CCSER1: variants seen among roughly 807,000 people sequenced by gnomAD.
The protein encoded by CCSER1 is serine-rich coiled-coil domain-containing protein 1.
A neutral mutation model predicts 82.0 loss-of-function variants in CCSER1; 41 were observed. That is an observed-to-expected ratio of 0.50 (90% CI 0.39 to 0.65). CCSER1 has a LOEUF of 0.65. Among genes scored for constraint, CCSER1 ranks in the 30% least tolerant of loss-of-function variants. The pLI is 0.00. For missense variants in CCSER1, 1,119 were observed against 1,064.2 expected (o/e 1.05, Z -0.72); for synonymous variants, 414 against 383.9 (o/e 1.08, Z -0.92).
At chr4:90,490,834 A>G (rs1767891899) in intron 5 of CCSER1, among the ~76,000 whole-genome samples, 1 of 152,012 alleles carries the variant, frequency 6.6e-6, no homozygotes, top group Non-Finnish European at 1.5e-5. Context: ...ATGGTTGCAG[A>G]TGTGTGGTAT....
At chr4:90,219,791 G>A (rs1281261242) in intron 1 of CCSER1, among the ~76,000 whole-genome samples, 3 of 152,116 alleles carry the variant, frequency 2.0e-5, no homozygotes, top group Non-Finnish European at 4.4e-5. Flanking sequence ...TACCTTGTAA[G>A]TATCCCATGC....
At chr4:90,942,864 TATTTA>T (rs1019561125) in intron 9 of CCSER1, among the ~76,000 whole-genome samples, 5 of 148,180 alleles carry the variant, frequency 3.4e-5, no homozygotes, top group African/African-American at 1.2e-4. Flanking sequence ...AAATTATATA[TATTTA>T]ATTAAATATG....
chr4:90,809,903 A>G (rs1046158682), intron 7 of CCSER1, among the ~76,000 whole-genome samples: 2 of 151,672 alleles, frequency 1.3e-5, no homozygotes, highest in Non-Finnish European at 2.9e-5. Context: ...AAATAAATGA[A>G]TAAGAACTAT....
intron 10 of CCSER1, among the ~76,000 whole-genome samples, chr4:91,583,674 T>C (rs1333896256): frequency 1.3e-5 from 2 of 151,472 alleles, no homozygotes; most frequent in Non-Finnish European, 1.5e-5. Flanking sequence ...ATGTCTTGCC[T>C]TCTTCTTGTG....
At chr4:91,457,684 T>C (rs1349055032) in intron 10 of CCSER1, among the ~76,000 whole-genome samples, 1 of 152,022 alleles carries the variant, frequency 6.6e-6, no homozygotes. Flanking sequence ...AAACATAAAA[T>C]AAAATAATTG....
intron 10 of CCSER1, among the ~76,000 whole-genome samples, chr4:91,508,699 A>C (rs1362216447): frequency 6.6e-6 from 1 of 151,770 alleles, no homozygotes; most frequent in African/African-American, 2.4e-5. Flanking sequence ...TTCTTAGAAT[A>C]TTTCAATGAA....
chr4:91,046,918 A>G (rs1742554685), intron 9 of CCSER1, among the ~76,000 whole-genome samples: 1 of 151,986 alleles, frequency 6.6e-6, no homozygotes. Flanking sequence ...GGCTTTCAGC[A>G]TGTTGGCCAA....
Position 91,357,886 on chromosome 4 carries a change from C to G in CCSER1, c.2218-240686C>G, listed in dbSNP as rs1267016833. Reference sequence around the variant, plus strand: ...ACCTAAATTCTGCCTGCCCCCCCCCCCTTTTTTTTTTTTTTTTGAAGATAA... The same window carrying G: ...ACCTAAATTCTGCCTGCCCCCCCCCGCTTTTTTTTTTTTTTTTGAAGATAA... On this transcript the variant is annotated intron_variant, in intron 10 of 10. Coordinates refer to ENST00000509176, the MANE Select transcript of CCSER1 (RefSeq NM_001145065.2). Among the ~76,000 whole-genome samples the G allele has an allele frequency of 5.9e-5, 4 of 67,536 alleles. No homozygotes were observed. The East Asian group carries it at 2.1e-3, about 36-fold the overall frequency. The allele number at this position is 67,536 out of a possible 152,430, so 44.3% of individuals were successfully genotyped here.
At chr4:91,558,897 G>T (rs1324525392) in intron 10 of CCSER1, among the ~76,000 whole-genome samples, 1 of 151,458 alleles carries the variant, frequency 6.6e-6, no homozygotes, top group African/African-American at 2.4e-5. Flanking sequence ...AATACTGGAT[G>T]TAAGTATTTC....
Position 91,496,611 on chromosome 4 carries a change from TATA to T in CCSER1, c.2218-101960_2218-101958del, listed in dbSNP as rs1560716255. ...ACACGAATATATATTTGAATATATA[TATA>T]CACGAATATATATTTGAATATATAT... On this transcript the variant is annotated intron_variant, in intron 10 of 10. Coordinates refer to ENST00000509176, the MANE Select transcript of CCSER1 (RefSeq NM_001145065.2). Among the ~76,000 whole-genome samples the T allele has an allele frequency of 3.0e-4, 8 of 26,432 alleles. 1 individual carries two copies. Among genetic ancestry groups the T allele is most frequent in the Non-Finnish European group, 5.9e-4 (7 of 11,874 alleles). 17.3% of individuals were successfully genotyped at this position (26,432 alleles called of 152,430 possible).
intron 5 of CCSER1, among the ~76,000 whole-genome samples, chr4:90,523,048 T>C (rs1010641872): frequency 3.9e-5 from 6 of 152,106 alleles, no homozygotes; most frequent in African/African-American, 1.4e-4. Flanking sequence ...GTCATTAGAT[T>C]AGGGACATTA....
At position 90,758,669 on chromosome 4, in the gene CCSER1, A is replaced by G. The variant is rs547733588; in HGVS notation, c.2010+34678A>G. Among the ~76,000 whole-genome samples the G allele has an allele frequency of 2.0e-5, 3 of 152,314 alleles. 1 individual carries two copies. The South Asian group carries it at 6.2e-4, about 32-fold the overall frequency. On this transcript the variant is annotated intron_variant, in intron 7 of 10. Coordinates refer to ENST00000509176, the MANE Select transcript of CCSER1 (RefSeq NM_001145065.2). ...TCCAACATGCACTCAATGATGTTAT[A>G]TAATTATGTTCAGATCAACAGATAT...
chr4:90,623,199 T>TA (rs940807083), intron 5 of CCSER1, among the ~76,000 whole-genome samples: 41 of 148,294 alleles, frequency 2.8e-4, no homozygotes, highest in African/African-American at 1.0e-3. Context: ...GGCTAATTAT[T>TA]TTTTTTTTGT....
intron 8 of CCSER1, among the ~76,000 whole-genome samples, chr4:90,821,070 C>G (rs1402017976): frequency 1.3e-5 from 2 of 152,088 alleles, no homozygotes; most frequent in Admixed American, 6.6e-5. Flanking sequence ...GCAGAGGGAT[C>G]CTGTGGATTT....
chr4:91,156,914 T>C (rs1329958073), intron 10 of CCSER1, among the ~76,000 whole-genome samples: 2 of 151,948 alleles, frequency 1.3e-5, no homozygotes, highest in Non-Finnish European at 2.9e-5. Context: ...CATACTCTTA[T>C]AGCAGTGATA....
chr4:91,462,571 C>A (rs1368557970), intron 10 of CCSER1, among the ~76,000 whole-genome samples: 1 of 152,048 alleles, frequency 6.6e-6, no homozygotes, highest in Non-Finnish European at 1.5e-5. Flanking sequence ...ATCGCCTCAC[C>A]CGGGAAGTGC....
intron 3 of CCSER1, among the ~76,000 whole-genome samples, chr4:90,392,678 ACT>A (rs139287340): frequency 0.09 from 13,660 of 152,144 alleles, 1,150 homozygotes; most frequent in African/African-American, 0.23. Flanking sequence ...TTGTAATGGG[ACT>A]TGCCTCCAGA....
chr4:91,505,084 C>T (rs1217950207), intron 10 of CCSER1, among the ~76,000 whole-genome samples: 2 of 152,164 alleles, frequency 1.3e-5, no homozygotes, highest in African/African-American at 2.4e-5. Flanking sequence ...TATCCTGATG[C>T]TCTCCCTTCC....
At chr4:90,470,157 G>A (rs576960910) in intron 5 of CCSER1, among the ~76,000 whole-genome samples, 124 of 151,888 alleles carry the variant, frequency 8.2e-4, no homozygotes, top group Admixed American at 1.9e-3. Context: ...TAAAATCTTG[G>A]TATGTTTTCT....
Sources: gnomAD v4.1 joint callset for allele counts (sites outside exome capture counted in the v4.1 genomes callset) on GRCh38, gnomAD v4.1.1 for gene constraint, MANE v1.5 for transcripts, NCBI Gene and HGNC (gene_info 2026-07-23, HGNC 2026-07-21) for gene names.